Variants in GMDS observed in about 807,000 individuals in gnomAD.
GMDS encodes the protein GDP-mannose 4,6-dehydratase.
Under a neutral mutation model 49.9 loss-of-function variants are expected in GMDS, and 20 were observed. The observed-to-expected ratio is 0.40, with a 90% CI of 0.28 to 0.58. The LOEUF is 0.58. Among genes scored for constraint, GMDS ranks in the 20% least tolerant of loss-of-function variants. GMDS has a pLI of 0.42. For missense variants in GMDS, 362 were observed against 481.4 expected, an observed-to-expected ratio of 0.75 and a Z score of 2.32; for synonymous variants, 177 against 178.6, an observed-to-expected ratio of 0.99 and a Z score of 0.07.
intron 7 of GMDS, among the ~76,000 whole-genome samples, chr6:1,897,240 C>CGT (rs1364177957): frequency 6.6e-6 from 1 of 152,174 alleles, no homozygotes; most frequent in African/African-American, 2.4e-5. Flanking sequence ...TCAGTGTGCA[C>CGT]GTACTCCTGG....
At chr6:1,740,556 C>CA (rs557749479) in intron 8 of GMDS, among the ~76,000 whole-genome samples, 2,549 of 66,320 alleles carry the variant, frequency 0.038, 42 homozygotes, top group East Asian at 0.11. Context: ...GACTCCGTCT[C>CA]AAAAAAAAAA....
chr6:1,907,915 G>A (rs562269223), intron 7 of GMDS, among the ~76,000 whole-genome samples: 18 of 152,278 alleles, frequency 1.2e-4, no homozygotes, highest in South Asian at 6.2e-4. Flanking sequence ...GTACACACAC[G>A]ATGTTTTTTC....
chr6:1,664,534 T>C (rs1006240114), intron 9 of GMDS, among the ~76,000 whole-genome samples: 4 of 152,224 alleles, frequency 2.6e-5, no homozygotes, highest in African/African-American at 9.6e-5. Flanking sequence ...CGATTCATGG[T>C]GTCTGGCCAC....
intron 6 of GMDS, among the ~76,000 whole-genome samples, chr6:1,956,259 G>A (rs1763632892): frequency 6.6e-6 from 1 of 152,138 alleles, no homozygotes; most frequent in South Asian, 2.1e-4. Flanking sequence ...CACACTACAA[G>A]ACTCCATAGA....
At chr6:1,811,275 C>T (rs1341863148) in intron 7 of GMDS, among the ~76,000 whole-genome samples, 2 of 152,170 alleles carry the variant, frequency 1.3e-5, no homozygotes, top group African/African-American at 4.8e-5. Context: ...TAAGAACATA[C>T]TCTTGCGATC....
rs61001126 is a variant in GMDS at position 1,991,434 on chromosome 6, G to A, written c.346-30468C>T. 8.6e-3 allele frequency among the ~76,000 whole-genome samples: 1,307 copies of A among 152,202 alleles called. 58 individuals are homozygous for A. In the East Asian group the frequency reaches 0.11, roughly 13 times the overall value. Reference sequence around the variant, plus strand: ...TCAAACACCTTAGAAAGAACAGCCTGCTTGGCTGCTTCCCTTCTTTACCAC... The same window carrying A: ...TCAAACACCTTAGAAAGAACAGCCTACTTGGCTGCTTCCCTTCTTTACCAC... On this transcript the variant is annotated intron_variant, in intron 4 of 10. Transcript: ENST00000380815.
Position 1,696,199 on chromosome 6 carries a change from C to T in GMDS, c.987+30217G>A, listed in dbSNP as rs150664230. 4.0e-4 allele frequency among the ~76,000 whole-genome samples: 61 copies of T among 152,282 alleles called. No individual in the cohort carries two copies. The East Asian group carries it at 0.01, about 25-fold the overall frequency. ...ATCACTGTAATGAAATGTAATGAGACCCTTTGACACTGAGGAAGTGACAAC... is the reference window on the plus strand; with the variant it reads ...ATCACTGTAATGAAATGTAATGAGATCCTTTGACACTGAGGAAGTGACAAC... On this transcript the variant is annotated intron_variant, in intron 9 of 10. Transcript: ENST00000380815.
chr6:1,843,691 C>T (rs937937803), intron 7 of GMDS, among the ~76,000 whole-genome samples: 1 of 152,160 alleles, frequency 6.6e-6, no homozygotes, highest in Non-Finnish European at 1.5e-5. Flanking sequence ...TCACTTGAAC[C>T]CATGAGGTGG....
intron 4 of GMDS, among the ~76,000 whole-genome samples, chr6:1,975,323 G>A (rs912459755): frequency 6.6e-6 from 1 of 152,162 alleles, no homozygotes; most frequent in African/African-American, 2.4e-5. Flanking sequence ...GACTGTCATA[G>A]GCCTTGACAA....
At chr6:2,241,439 G>A (rs1781610017) in intron 1 of GMDS, among the ~76,000 whole-genome samples, 1 of 152,134 alleles carries the variant, frequency 6.6e-6, no homozygotes, top group Admixed American at 6.5e-5. Flanking sequence ...AGATCTGGGG[G>A]GTCAGGGATG....
chr6:1,988,047 C>T (rs1489341851), intron 4 of GMDS, among the ~76,000 whole-genome samples: 1 of 152,200 alleles, frequency 6.6e-6, no homozygotes, highest in Admixed American at 6.5e-5. Flanking sequence ...CATACACATA[C>T]ATGCATATGC....
chr6:2,087,502 A>G (rs1773079516), intron 4 of GMDS, among the ~76,000 whole-genome samples: 1 of 152,202 alleles, frequency 6.6e-6, no homozygotes, highest in Non-Finnish European at 1.5e-5. Context: ...TAACAGAAAT[A>G]TTCTCATTAA....
At chr6:2,187,728 T>C (rs1382213163) in intron 1 of GMDS, among the ~76,000 whole-genome samples, 1 of 152,214 alleles carries the variant, frequency 6.6e-6, no homozygotes, top group Non-Finnish European at 1.5e-5. Context: ...TCTGCCTTTC[T>C]TTTACTGCAA....
intron 6 of GMDS, among the ~76,000 whole-genome samples, chr6:1,946,489 G>C (rs778343845): frequency 1.5e-5 from 2 of 130,778 alleles, no homozygotes; most frequent in Middle Eastern, 3.8e-3. Flanking sequence ...AACTAAATAA[G>C]TGTTACCTGC....
intron 7 of GMDS, among the ~76,000 whole-genome samples, chr6:1,815,215 C>A (rs574086312): frequency 1.8e-5 from 2 of 109,456 alleles, no homozygotes; most frequent in East Asian, 2.5e-4. Context: ...AAATGCAATT[C>A]ATCTACCGAA....
At chr6:1,867,585 T>C (rs1197691676) in intron 7 of GMDS, among the ~76,000 whole-genome samples, 1 of 152,230 alleles carries the variant, frequency 6.6e-6, no homozygotes, top group Non-Finnish European at 1.5e-5. Flanking sequence ...AGCCAAAAGC[T>C]GGACCCCTGG....
intron 1 of GMDS, among the ~76,000 whole-genome samples, chr6:2,218,857 G>A (rs888445177): frequency 1.3e-5 from 2 of 152,058 alleles, no homozygotes; most frequent in Non-Finnish European, 2.9e-5. Context: ...GTTTATTCAG[G>A]GTCACAAGGT....
chr6:1,835,059 A>G (rs139805965), intron 7 of GMDS, among the ~76,000 whole-genome samples: 1 of 150,848 alleles, frequency 6.6e-6, no homozygotes, highest in African/African-American at 2.5e-5. Flanking sequence ...CTCTACTGAT[A>G]GAGAGGGAGA....
chr6:2,147,206 G>A (rs540717123), intron 1 of GMDS, among the ~76,000 whole-genome samples: 4 of 152,278 alleles, frequency 2.6e-5, no homozygotes, highest in Non-Finnish European at 4.4e-5. Flanking sequence ...AAGCTGTTTG[G>A]TTTTGATGAA....
Sources: gnomAD v4.1 joint callset for allele counts (sites outside exome capture counted in the v4.1 genomes callset) on GRCh38, gnomAD v4.1.1 for gene constraint, MANE v1.5 for transcripts, NCBI Gene and HGNC (gene_info 2026-07-23, HGNC 2026-07-21) for gene names.